Variants in CLEC5A observed in about 807,000 individuals in gnomAD.
CLEC5A encodes C-type lectin domain containing 5A.
In CLEC5A, 15 loss-of-function variants were observed where a neutral mutation model predicts 24.4. That is an observed-to-expected ratio of 0.62 (90% CI 0.41 to 0.95). The LOEUF (loss-of-function observed/expected upper bound fraction) is 0.95. CLEC5A is among the 40% of genes least tolerant of loss of function. The probability of loss-of-function intolerance (pLI) is 0.00; values close to 1 mark genes in which losing one functional copy is unlikely to be tolerated. For synonymous variants in CLEC5A, 71 were observed against 72.6 expected (o/e 0.98, Z 0.11); for missense variants, 211 against 224.0 (o/e 0.94, Z 0.37).
rs79299872 is a variant in CLEC5A, at chr7:141,945,046, C to A, written c.139+295G>T. ...GTTTAATCGGGAGAGGAGAACCATG[C>A]CCCACTCATCTCTCTATCTCCCATA... On this transcript the variant is annotated intron_variant, in intron 3 of 6. Coordinates refer to ENST00000546910, the MANE Select transcript of CLEC5A (RefSeq NM_013252.3). 5.7e-3 allele frequency among the ~76,000 whole-genome samples: 863 copies of A among 152,228 alleles called. 3 individuals carry two copies. The highest frequency in any genetic ancestry group is 8.6e-3 in the Non-Finnish European group (585 of 68,000).
At position 141,945,976 on chromosome 7, in the gene CLEC5A, G is replaced by T. The variant is rs1249756358; in HGVS notation, c.79+238C>A. The stretch of plus-strand genomic sequence containing the variant: ...ACTCTACTAGCAAAAGCTTTGCGTG[G>T]CGTTCTAACCATCAGAAACTGGTAA... On this transcript the variant is annotated intron_variant, in intron 2 of 6. Transcript: ENST00000546910. 1.0e-5 allele frequency: 5 copies of T among 492,286 alleles called. No individual in the cohort carries two copies. The East Asian group carries it at 1.7e-4, about 17-fold the overall frequency. The allele number at this position is 492,286 out of a possible 1,614,324, so 30.5% of individuals were successfully genotyped here. A position where few individuals can be genotyped will look rare whatever the true frequency, so the allele number is the denominator to read the frequency against.
chr7:141,946,347 G>A (rs532925084), intron 1 of CLEC5A, 35 bp from the exon 2 acceptor site: 20 of 1,539,142 alleles, frequency 1.3e-5, no homozygotes, highest in East Asian at 4.9e-5. Flanking sequence ...ATCAGAATTC[G>A]GGTACAAGGC....
At position 141,929,985 on chromosome 7, in the gene CLEC5A, C is replaced by G. The variant is rs781946065; in HGVS notation, c.*119G>C. ...GTGCAGAAGAAAGAAGCTCAGTTTC[C>G]CAAATGGGCAAGGACCGCTACTGGT... On this transcript the variant is annotated 3_prime_UTR_variant, in exon 7 of 7. Transcript: ENST00000546910. 5.1e-5 allele frequency: 36 copies of G among 709,334 alleles called. No homozygotes were observed. In the South Asian group the frequency reaches 6.8e-4, roughly 13 times the overall value. 43.9% of individuals were successfully genotyped at this position (709,334 alleles called of 1,614,324 possible). A position where few individuals can be genotyped will look rare whatever the true frequency, so the allele number is the denominator to read the frequency against.
intron 5 of CLEC5A, among the ~76,000 whole-genome samples, chr7:141,933,269 G>C (rs1194957960): frequency 6.6e-6 from 1 of 152,096 alleles, no homozygotes; most frequent in Non-Finnish European, 1.5e-5. Context: ...TGATACCTGA[G>C]ATGAATTTTA....
In CLEC5A at chr7:141,929,920, T is replaced by C; in HGVS notation, c.*184A>G. On this transcript the variant is annotated 3_prime_UTR_variant, in exon 7 of 7. Coordinates refer to ENST00000546910, the MANE Select transcript of CLEC5A (RefSeq NM_013252.3). ...ACTAACTGAGTTGTTTCCGTAAAAC[T>C]GATCCTGTCTCCTGGAGATGGCTAG... is the stretch of plus-strand genomic sequence containing the variant. 1.7e-6 allele frequency: 1 copy of C among 572,640 alleles called. No homozygotes were observed. The highest frequency in any genetic ancestry group is 3.1e-6 in the Non-Finnish European group (1 of 320,640). The allele number at this position is 572,640 out of a possible 1,614,324, so 35.5% of individuals were successfully genotyped here. A position where few individuals can be genotyped will look rare whatever the true frequency, so the allele number is the denominator to read the frequency against.
intron 4 of CLEC5A, among the ~76,000 whole-genome samples, chr7:141,938,916 GA>G (rs1460570340): frequency 6.6e-6 from 1 of 152,106 alleles, no homozygotes; most frequent in Admixed American, 6.6e-5. Flanking sequence ...CGTATCTGAT[GA>G]AAATATCCTT....
chr7:141,941,937 A>G lies in CLEC5A; in HGVS notation c.208+1959T>C, dbSNP rs369010223. ...ACAAAAGAAATTGACAAGGACACCAAAAAATAGAAAAATATTCCATGTTTG... is the reference window on the plus strand; with the variant it reads ...ACAAAAGAAATTGACAAGGACACCAGAAAATAGAAAAATATTCCATGTTTG... On this transcript the variant is annotated intron_variant, in intron 4 of 6. Transcript: ENST00000546910. Among the ~76,000 whole-genome samples, 278 of 152,284 alleles carry G rather than the reference A, an allele frequency of 1.8e-3. 2 individuals carry two copies. The highest frequency in any genetic ancestry group is 6.8e-3 in the Middle Eastern group (2 of 294).
rs1802398587 is a variant in CLEC5A at position 141,929,868 on chromosome 7, T to G, written c.*236A>C. 2 of 477,330 alleles carry G rather than the reference T, an allele frequency of 4.2e-6. No individual in the cohort carries two copies. Among genetic ancestry groups the G allele is most frequent in the Admixed American group, 7.6e-5 (2 of 26,262 alleles). The allele number at this position is 477,330 out of a possible 1,614,324, so 29.6% of individuals were successfully genotyped here. A position where few individuals can be genotyped will look rare whatever the true frequency, so the allele number is the denominator to read the frequency against. On this transcript the variant is annotated 3_prime_UTR_variant, in exon 7 of 7. Coordinates refer to ENST00000546910, the MANE Select transcript of CLEC5A (RefSeq NM_013252.3). Reference sequence around the variant, plus strand: ...TTTTTGATCAGTCAGAAATGCTCAGTACTACAGAAGCGGACCTCATCTCTA... The same window carrying G: ...TTTTTGATCAGTCAGAAATGCTCAGGACTACAGAAGCGGACCTCATCTCTA...
chr7:141,937,237 T>C (rs1161861158), intron 4 of CLEC5A, among the ~76,000 whole-genome samples: 1 of 151,964 alleles, frequency 6.6e-6, no homozygotes, highest in Non-Finnish European at 1.5e-5. Context: ...TCCAAGATTC[T>C]AGGCCTTGAC....
rs782580625 is a variant in CLEC5A, at chr7:141,930,143, G to A, written c.528C>T (p.Asp176=). 1 of 1,614,188 alleles carries A rather than the reference G, an allele frequency of 6.2e-7. No individual in the cohort carries two copies. Among genetic ancestry groups the A allele is most frequent in the South Asian group, 1.1e-5 (1 of 91,084 alleles). Residue 176 remains aspartate (D), a synonymous_variant, in exon 7 of 7, where the codon GAC becomes GAT. Transcript: ENST00000546910. ...TCTCACAGATCCTGCGGTAGCTGAT[G>A]TCACATGATGCAGCATCAAATGTCT... ...LTKTFDAASC[D]ISYRRICEKN...
chr7:141,936,054 AT>A, intron 4 of CLEC5A, 104 bp from the exon 5 acceptor site: 10 of 939,874 alleles, frequency 1.1e-5, no homozygotes, highest in Admixed American at 2.1e-5. Flanking sequence ...TGTTTTAACA[AT>A]TATATTGGTA....
At position 141,938,056 on chromosome 7, in the gene CLEC5A, G is replaced by A. The variant is rs546181231; in HGVS notation, c.209-2106C>T. ...TGGAAAGCCTTCCCAAGAAGGATGG[G>A]TATAAACCCAGACCATGAAGACTAC... On this transcript the variant is annotated intron_variant, in intron 4 of 6. Coordinates refer to ENST00000546910, the MANE Select transcript of CLEC5A (RefSeq NM_013252.3). 4.6e-5 allele frequency among the ~76,000 whole-genome samples: 7 copies of A among 152,242 alleles called. No individual in the cohort carries two copies. The South Asian group carries it at 1.2e-3, about 27-fold the overall frequency.
At chr7:141,944,267 G>T (rs1802886367) in intron 3 of CLEC5A, among the ~76,000 whole-genome samples, 1 of 152,140 alleles carries the variant, frequency 6.6e-6, no homozygotes, top group Non-Finnish European at 1.5e-5. Flanking sequence ...GTATCAGAGA[G>T]AAACTCTCAC....
chr7:141,942,276 C>T (rs910363992), intron 4 of CLEC5A, among the ~76,000 whole-genome samples: 3 of 151,988 alleles, frequency 2.0e-5, no homozygotes, highest in African/African-American at 4.8e-5. Flanking sequence ...TAATTCCCTA[C>T]GTCTATAGTG....
intron 4 of CLEC5A, 101 bp downstream of exon 4, chr7:141,943,795 C>A (rs1328465253): frequency 7.1e-6 from 6 of 846,324 alleles, no homozygotes; most frequent in Non-Finnish European, 1.2e-5. Context: ...TCCCTTTGAG[C>A]AAAAAAATTC....
In CLEC5A at chr7:141,929,440, C is replaced by T. The variant is rs1802386127; in HGVS notation, c.*664G>A. ...TTTTAGCTTAAGTGTCTCTTCAGGG[C>T]TTTGCTGAAGAACAGAAATCTAGTG... is the stretch of plus-strand genomic sequence containing the variant. On this transcript the variant is annotated 3_prime_UTR_variant, in exon 7 of 7. Coordinates refer to ENST00000546910, the MANE Select transcript of CLEC5A (RefSeq NM_013252.3). 6.6e-6 allele frequency: 1 copy of T among 152,172 alleles called. No individual in the cohort carries two copies. The highest frequency in any genetic ancestry group is 2.4e-5 in the African/African-American group (1 of 41,420). 9.4% of individuals were successfully genotyped at this position (152,172 alleles called of 1,614,324 possible).
intron 4 of CLEC5A, among the ~76,000 whole-genome samples, chr7:141,937,760 A>C (rs60776822): frequency 0.035 from 5,352 of 152,316 alleles, 326 homozygotes; most frequent in African/African-American, 0.12. Context: ...GACCCAATGC[A>C]GTCCCAGTGG....
chr7:141,933,003 T>C lies in CLEC5A; in HGVS notation c.346-1177A>G, dbSNP rs368795532. Among the ~76,000 whole-genome samples the C allele has an allele frequency of 2.5e-3, 388 of 152,326 alleles. 16 individuals carry two copies. The South Asian group carries it at 0.076, about 30-fold the overall frequency. On this transcript the variant is annotated intron_variant, in intron 5 of 6. Coordinates refer to ENST00000546910, the MANE Select transcript of CLEC5A (RefSeq NM_013252.3). ...CAGGAAAACTATGAAACCACTGGAA[T>C]GTTATGAAAAATATTTTGCTTATGT...
Position 141,928,379 on chromosome 7 carries a change from T to C in CLEC5A, c.*1725A>G, listed in dbSNP as rs781808829. The C allele has an allele frequency of 6.6e-6, 1 of 152,580 alleles. No homozygotes were observed. Among genetic ancestry groups the C allele is most frequent in the Admixed American group, 6.5e-5 (1 of 15,284 alleles). 9.5% of individuals were successfully genotyped at this position (152,580 alleles called of 1,614,324 possible). ...TTCTCTCTTCTCAAAACAGAAGGAT[T>C]AGGATTTCCTTTCTGTTGTCTGAGT... On this transcript the variant is annotated 3_prime_UTR_variant, in exon 7 of 7. Transcript: ENST00000546910.
Sources: gnomAD v4.1 joint callset for allele counts (sites outside exome capture counted in the v4.1 genomes callset) on GRCh38, gnomAD v4.1.1 for gene constraint, MANE v1.5 for transcripts, NCBI Gene and HGNC (gene_info 2026-07-23, HGNC 2026-07-21) for gene names.